TNFAIP8L3: variants seen among roughly 807,000 people sequenced by gnomAD.
The protein encoded by TNFAIP8L3 is tumor necrosis factor alpha-induced protein 8-like protein 3.
TNFAIP8L3 carries 7 observed loss-of-function variants against 11.8 expected under a neutral mutation model. That is an observed-to-expected ratio of 0.59 (90% CI 0.34 to 1.11). The LOEUF (loss-of-function observed/expected upper bound fraction) is 1.11, where lower values mean the gene tolerates loss of function less well. Among genes scored for constraint, TNFAIP8L3 ranks in the 50% most tolerant of loss-of-function variants. The probability of loss-of-function intolerance (pLI) is 0.03; values close to 1 mark genes in which losing one functional copy is unlikely to be tolerated. For missense variants in TNFAIP8L3, 219 were observed against 258.6 expected (o/e 0.85, Z 1.05); for synonymous variants, 98 against 103.8 (o/e 0.94, Z 0.34).
chr15:51,078,924 G>A (rs1044329271), intron 1 of TNFAIP8L3, among the ~76,000 whole-genome samples: 21 of 152,098 alleles, frequency 1.4e-4, no homozygotes, highest in Admixed American at 1.2e-3. Context: ...CCGAATGCTT[G>A]TCTGTCTCCT....
intron 1 of TNFAIP8L3, among the ~76,000 whole-genome samples, chr15:51,083,347 C>T (rs1203513093): frequency 6.6e-6 from 1 of 152,146 alleles, no homozygotes; most frequent in African/African-American, 2.4e-5. Flanking sequence ...AGCTAACAAT[C>T]CCGTTACAAC....
At chr15:51,067,002 G>A (rs954312876) in intron 1 of TNFAIP8L3, among the ~76,000 whole-genome samples, 1 of 152,092 alleles carries the variant, frequency 6.6e-6, no homozygotes, top group African/African-American at 2.4e-5. Flanking sequence ...AGGGATGGTG[G>A]GGCCTTTGAG....
chr15:51,075,070 C>T (rs994685656), intron 1 of TNFAIP8L3, among the ~76,000 whole-genome samples: 2 of 152,200 alleles, frequency 1.3e-5, no homozygotes, highest in African/African-American at 4.8e-5. Context: ...ATATATGTCT[C>T]AGTAAATGAA....
intron 1 of TNFAIP8L3, chr15:51,104,915 G>T: frequency 6.6e-7 from 1 of 1,523,462 alleles, no homozygotes; most frequent in Non-Finnish European, 9.1e-7. Context: ...TGCCAGCTCT[G>T]TGCATCCTCA....
upstream of TNFAIP8L3, among the ~76,000 whole-genome samples, chr15:51,099,179 T>A (rs1050295265): frequency 6.6e-6 from 1 of 152,204 alleles, no homozygotes; most frequent in Non-Finnish European, 1.5e-5. Flanking sequence ...CAGCATCAGT[T>A]GAGCCCAGAG....
rs2065311076 is a variant in TNFAIP8L3, at chr15:51,071,839, CA to C, written c.53-13397del. Among the ~76,000 whole-genome samples the C allele has an allele frequency of 2.0e-5, 3 of 152,316 alleles. No homozygotes were observed. The South Asian group carries it at 6.2e-4, about 32-fold the overall frequency. ...GCACTTCCTCATCAACACTTCAAAT[CA>C]TCCAACTTTTTAATTTTTGCCAATC... On this transcript the variant is annotated intron_variant, in intron 1 of 1. Coordinates refer to ENST00000637513, the MANE Select transcript of TNFAIP8L3 (RefSeq NM_001311175.2).
At chr15:51,069,712 C>A (rs2065295762) in intron 1 of TNFAIP8L3, 1 of 152,178 alleles carries the variant, frequency 6.6e-6, no homozygotes, top group Non-Finnish European at 1.5e-5. Flanking sequence ...AACAATTCCT[C>A]AAGAGAGGGA....
rs1025297056 is a variant in TNFAIP8L3 at position 51,084,626 on chromosome 15, T to C, written c.52+9918A>G. On this transcript the variant is annotated intron_variant, in intron 1 of 1. Coordinates refer to ENST00000637513, the MANE Select transcript of TNFAIP8L3 (RefSeq NM_001311175.2). ...TTCTATGATTTCACAGTCTTTTAAC[T>C]TCGAGTGACTCGGTGGCTGTCAAGG... Among the ~76,000 whole-genome samples, 8 of 152,318 alleles carry C rather than the reference T, an allele frequency of 5.3e-5. No individual in the cohort carries two copies. In the South Asian group the frequency reaches 1.2e-3, roughly 24 times the overall value.
chr15:51,061,850 T>C (rs2065243985), intron 1 of TNFAIP8L3, among the ~76,000 whole-genome samples: 1 of 152,154 alleles, frequency 6.6e-6, no homozygotes, highest in Admixed American at 6.5e-5. Flanking sequence ...GAAGTTTTAT[T>C]GGAAATGCAC....
intron 1 of TNFAIP8L3, among the ~76,000 whole-genome samples, chr15:51,063,501 G>A (rs908178858): frequency 5.3e-5 from 8 of 152,152 alleles, no homozygotes; most frequent in African/African-American, 1.9e-4. Context: ...CATTTAAGAA[G>A]CTCCTATCTC....
At chr15:51,082,208 C>G (rs1401104342) in intron 1 of TNFAIP8L3, among the ~76,000 whole-genome samples, 1 of 152,106 alleles carries the variant, frequency 6.6e-6, no homozygotes, top group Non-Finnish European at 1.5e-5. Context: ...CCTAGATGGT[C>G]AAGCCCACTA....
At chr15:51,086,269 G>A (rs759313711) in intron 1 of TNFAIP8L3, among the ~76,000 whole-genome samples, 2 of 152,224 alleles carry the variant, frequency 1.3e-5, no homozygotes, top group Middle Eastern at 3.2e-3. Context: ...CGGCTGGAGC[G>A]TCCTTCTAGG....
At position 51,057,979 on chromosome 15, in the gene TNFAIP8L3, A is replaced by G; in HGVS notation, c.517T>C (p.Phe173Leu). The change falls in exon 2 of 2, where the codon TTC (phenylalanine) becomes CTC (leucine). Residue 173 changes from phenylalanine to leucine, a missense_variant. By Grantham distance (22) the Phe-to-Leu change is conservative (BLOSUM62 0). Coordinates refer to ENST00000637513, the MANE Select transcript of TNFAIP8L3 (RefSeq NM_001311175.2). ...HVFNHFADVE[F>L]LSTLYSLDGD... is the part of the protein sequence containing the mutation. ...TCCAGACTATAGAGGGTGGAGAGGA[A>G]CTCCACATCGGCAAAGTGGTTAAAG... is the stretch of plus-strand genomic sequence containing the variant. 6.2e-7 allele frequency: 1 copy of G among 1,614,098 alleles called. No homozygotes were observed. The highest frequency in any genetic ancestry group is 1.6e-4 in the Middle Eastern group (1 of 6,062).
intron 1 of TNFAIP8L3, among the ~76,000 whole-genome samples, chr15:51,086,739 C>G (rs2065430169): frequency 6.6e-6 from 1 of 152,110 alleles, no homozygotes; most frequent in African/African-American, 2.4e-5. Flanking sequence ...AACAATTAAC[C>G]CAGTCCCGAA....
At chr15:51,061,301 C>T (rs922333129) in intron 1 of TNFAIP8L3, among the ~76,000 whole-genome samples, 1 of 152,060 alleles carries the variant, frequency 6.6e-6, no homozygotes, top group Admixed American at 6.6e-5. Flanking sequence ...CTGTGCCCAG[C>T]CCATATAAGA....
intron 1 of TNFAIP8L3, among the ~76,000 whole-genome samples, chr15:51,084,632 T>C (rs2065414523): frequency 6.6e-6 from 1 of 152,130 alleles, no homozygotes; most frequent in Non-Finnish European, 1.5e-5. Context: ...TAACTTCGAG[T>C]GACTCGGTGG....
At chr15:51,075,504 C>T (rs2065343591) in intron 1 of TNFAIP8L3, among the ~76,000 whole-genome samples, 1 of 152,178 alleles carries the variant, frequency 6.6e-6, no homozygotes, top group South Asian at 2.1e-4. Context: ...CGTTCTGTCT[C>T]TCTGGGCAAT....
chr15:51,077,711 C>G (rs1162955754), intron 1 of TNFAIP8L3, among the ~76,000 whole-genome samples: 3 of 152,222 alleles, frequency 2.0e-5, no homozygotes, highest in Non-Finnish European at 4.4e-5. Flanking sequence ...GTCTGCCCTC[C>G]CTTCCCCGAC....
At position 51,056,899 on chromosome 15, in the gene TNFAIP8L3, A is replaced by C. The variant is rs2065208399; in HGVS notation, c.*982T>G. 6.6e-6 allele frequency: 1 copy of C among 151,526 alleles called. No homozygotes were observed. Among genetic ancestry groups the C allele is most frequent in the South Asian group, 2.1e-4 (1 of 4,814 alleles). The allele number at this position is 151,526 out of a possible 1,614,324, so 9.4% of individuals were successfully genotyped here. On this transcript the variant is annotated 3_prime_UTR_variant, in exon 2 of 2. Coordinates refer to ENST00000637513, the MANE Select transcript of TNFAIP8L3 (RefSeq NM_001311175.2). ...GACCTCAAAAACACCTCTTTTTAAA[A>C]AAATTATTATTATTATTATTATTTT...
Sources: allele counts gnomAD v4.1 joint callset (sites outside exome capture counted in the v4.1 genomes callset), GRCh38; gene constraint gnomAD v4.1.1; transcripts MANE v1.5; gene names NCBI Gene and HGNC (gene_info 2026-07-23, HGNC 2026-07-21).